Variants in TMEM131 observed in about 807,000 individuals in gnomAD.
The protein encoded by TMEM131 is transmembrane protein 131.
TMEM131 carries 66 observed loss-of-function variants against 211.6 expected under a neutral mutation model. The ratio of observed to expected loss-of-function variants is 0.31; its 90% CI spans 0.26 to 0.38. TMEM131 has a LOEUF of 0.38. TMEM131 is among the 10% of genes least tolerant of loss of function. TMEM131 has a pLI of 1.00. For missense variants in TMEM131, 2,036 were observed against 2,299.3 expected (o/e 0.89, Z 2.34); for synonymous variants, 844 against 841.3 (o/e 1.00, Z -0.06).
At chr2:97,922,535 A>G (rs144229508) in intron 2 of TMEM131, among the ~76,000 whole-genome samples, 23 of 152,344 alleles carry the variant, frequency 1.5e-4, no homozygotes, top group African/African-American at 5.5e-4. Context: ...ACTATTCAGC[A>G]ATGAAACTGA....
intron 1 of TMEM131, among the ~76,000 whole-genome samples, chr2:97,942,180 A>G (rs1433767066): frequency 5.3e-5 from 8 of 152,064 alleles, no homozygotes; most frequent in Non-Finnish European, 8.8e-5. Flanking sequence ...TTGTAGGGAC[A>G]TGGATGAAGC....
chr2:97,825,673 CAGAG>C (rs1027255681), intron 11 of TMEM131, among the ~76,000 whole-genome samples: 1 of 152,170 alleles, frequency 6.6e-6, no homozygotes, highest in African/African-American at 2.4e-5. Context: ...CTTTATACGT[CAGAG>C]AGAGAGCAGG....
intron 11 of TMEM131, among the ~76,000 whole-genome samples, chr2:97,825,266 C>T (rs1200522955): frequency 6.6e-6 from 1 of 152,202 alleles, no homozygotes; most frequent in Non-Finnish European, 1.5e-5. Flanking sequence ...CTCATGCCAG[C>T]AGGCTACTCT....
Position 97,995,768 on chromosome 2 carries a change from G to C in TMEM131, c.-106C>G, listed in dbSNP as rs1016724979. ...CCGGGCTCTGGCCGCGGCGCCGGGA[G>C]CGACAACGGTTGCGAGCCCGGGGCT... On this transcript the variant is annotated 5_prime_UTR_variant, in exon 1 of 41. Coordinates refer to ENST00000186436, the MANE Select transcript of TMEM131 (RefSeq NM_015348.2). The C allele has an allele frequency of 3.4e-5, 30 of 885,970 alleles. No homozygotes were observed. Among genetic ancestry groups the C allele is most frequent in the Non-Finnish European group, 3.8e-5 (27 of 704,866 alleles). The allele number at this position is 885,970 out of a possible 1,614,324, so 54.9% of individuals were successfully genotyped here.
At chr2:97,858,082 CTAAAG>C (rs1361969770) in intron 5 of TMEM131, among the ~76,000 whole-genome samples, 3 of 152,102 alleles carry the variant, frequency 2.0e-5, no homozygotes, top group Non-Finnish European at 2.9e-5. Flanking sequence ...TAATTTTACT[CTAAAG>C]TAAACAACAT....
intron 31 of TMEM131, among the ~76,000 whole-genome samples, chr2:97,791,788 G>A (rs971368966): frequency 1.3e-5 from 2 of 152,186 alleles, no homozygotes; most frequent in Admixed American, 6.5e-5. Flanking sequence ...ACAGTAAGCA[G>A]AACTCTAAAG....
chr2:97,794,224 C>T (rs868385367), intron 29 of TMEM131, among the ~76,000 whole-genome samples: 13 of 151,764 alleles, frequency 8.6e-5, no homozygotes, highest in East Asian at 2.0e-4. Flanking sequence ...TTAGTAGAGA[C>T]GGGGTTTCAC....
chr2:97,757,091 T>A lies in TMEM131; in HGVS notation c.*8A>T. On this transcript the variant is annotated 3_prime_UTR_variant, in exon 41 of 41. Coordinates refer to ENST00000186436, the MANE Select transcript of TMEM131 (RefSeq NM_015348.2). ...GGGCCCACTATGTTTGTTTGTTTTTTGCTTAATTTAATTCTCGTGAGGAAA... is the reference window on the plus strand; with the variant it reads ...GGGCCCACTATGTTTGTTTGTTTTTAGCTTAATTTAATTCTCGTGAGGAAA... 1 of 1,574,562 alleles carries A rather than the reference T, an allele frequency of 6.4e-7. No homozygotes were observed. Among genetic ancestry groups the A allele is most frequent in the Admixed American group, 1.8e-5 (1 of 55,338 alleles).
At position 97,899,901 on chromosome 2, in the gene TMEM131, C is replaced by T. The variant is rs904712392; in HGVS notation, c.290+8757G>A. Among the ~76,000 whole-genome samples the T allele has an allele frequency of 2.6e-5, 4 of 152,206 alleles. No individual in the cohort carries two copies. In the East Asian group the frequency reaches 7.7e-4, roughly 29 times the overall value. On this transcript the variant is annotated intron_variant, in intron 3 of 40. Transcript: ENST00000186436. ...GTCTTTTATGGTAAGAACACAAAAT[C>T]TACTCTCTCAGCAATTTTCAAGTAC...
At chr2:97,962,854 G>A (rs554593522) in intron 1 of TMEM131, among the ~76,000 whole-genome samples, 3 of 152,270 alleles carry the variant, frequency 2.0e-5, no homozygotes, top group South Asian at 2.1e-4. Flanking sequence ...CATGATAAAT[G>A]TAACGTGAAT....
chr2:97,943,037 A>AAAAGGAAAGAAAGAAAG lies in TMEM131; in HGVS notation c.188-15551_188-15550insCTTTCTTTCTTTCCTTT, dbSNP rs1677845812. Among the ~76,000 whole-genome samples the AAAAGGAAAGAAAGAAAG allele has an allele frequency of 6.1e-5, 4 of 66,058 alleles. No homozygotes were observed. In the East Asian group the frequency reaches 1.5e-3, roughly 24 times the overall value. 43.3% of individuals were successfully genotyped at this position (66,058 alleles called of 152,430 possible). A position where few individuals can be genotyped will look rare whatever the true frequency, so the allele number is the denominator to read the frequency against. ...AAAAGAAAAGAAAAGAAAAGAAAAGAAAAGAAAGAAAGAAAGAAAGAAAGA... is the reference window on the plus strand; with the variant it reads ...AAAAGAAAAGAAAAGAAAAGAAAAGAAAAGGAAAGAAAGAAAGAAAGAAAGAAAGAAAGAAAGAAAGA... On this transcript the variant is annotated intron_variant, in intron 1 of 40. Transcript: ENST00000186436.
At chr2:97,865,674 T>A (rs1476664665) in intron 4 of TMEM131, among the ~76,000 whole-genome samples, 3 of 152,254 alleles carry the variant, frequency 2.0e-5, no homozygotes, top group Admixed American at 6.5e-5. Context: ...GCGTCTATAT[T>A]CAGCAGAAGT....
rs1680541598 is a variant in TMEM131 at position 97,792,452 on chromosome 2, G to T, written c.4078C>A (p.His1360Asn). ...ACTTCTAGGGCTGGGGAGTCATGGT[G>T]GTCGAAGTCTTTGTCCATGGCTTCT... is the stretch of plus-strand genomic sequence containing the variant. ...LIEAMDKDFD[H>N]HDSPALEVFT... The change falls in exon 31 of 41, where the codon CAC becomes AAC. Residue 1360 changes from histidine to asparagine, a missense_variant. Around this residue, in one of 3 missense-constraint regions of TMEM131, gnomAD observed 1,623 missense variants for 1,805.9 expected, o/e 0.90. Coordinates refer to ENST00000186436, the MANE Select transcript of TMEM131 (RefSeq NM_015348.2). 6.2e-7 allele frequency: 1 copy of T among 1,613,298 alleles called. No homozygotes were observed. The highest frequency in any genetic ancestry group is 1.3e-5 in the African/African-American group (1 of 74,932).
intron 22 of TMEM131, 55 bp downstream of exon 22, chr2:97,805,033 G>A (rs998576773): frequency 2.5e-6 from 3 of 1,198,904 alleles, no homozygotes; most frequent in Non-Finnish European, 3.5e-6. Flanking sequence ...AAAGCATTAT[G>A]TTTCAATAGT....
chr2:97,793,561 G>C lies in TMEM131; in HGVS notation c.3387-8C>G. ...ACCAAAAGAAACAGTGCACTGCAGG[G>C]GTAAAAAAAATTGGAAAATCAGGAT... On this transcript the variant is annotated splice_region_variant and splice_polypyrimidine_tract_variant and intron_variant, in intron 29 of 40. Coordinates refer to ENST00000186436, the MANE Select transcript of TMEM131 (RefSeq NM_015348.2). 1 of 1,584,766 alleles carries C rather than the reference G, an allele frequency of 6.3e-7. No individual in the cohort carries two copies. Among genetic ancestry groups the C allele is most frequent in the Admixed American group, 1.9e-5 (1 of 53,674 alleles).
chr2:97,787,956 T>C, intron 31 of TMEM131, among the ~76,000 whole-genome samples: 1 of 152,192 alleles, frequency 6.6e-6, no homozygotes, highest in East Asian at 1.9e-4. Context: ...AAATTCAATC[T>C]GTTGGATTTC....
At chr2:97,776,289 C>T (rs1008171165) in intron 31 of TMEM131, among the ~76,000 whole-genome samples, 4 of 152,046 alleles carry the variant, frequency 2.6e-5, no homozygotes, top group Non-Finnish European at 4.4e-5. Flanking sequence ...CTCCTGACCT[C>T]GTGATCTGCC....
intron 5 of TMEM131, among the ~76,000 whole-genome samples, chr2:97,858,044 T>C (rs1673919040): frequency 6.6e-6 from 1 of 152,220 alleles, no homozygotes; most frequent in African/African-American, 2.4e-5. Flanking sequence ...GTTTATAAAA[T>C]ACCTTTAAAT....
At chr2:97,945,441 A>C (rs181279146) in intron 1 of TMEM131, among the ~76,000 whole-genome samples, 4 of 152,296 alleles carry the variant, frequency 2.6e-5, no homozygotes, top group Admixed American at 2.6e-4. Flanking sequence ...TAAAAGGTGA[A>C]GTATGATATG....
Sources: gnomAD v4.1 joint callset for allele counts (sites outside exome capture counted in the v4.1 genomes callset) on GRCh38, gnomAD v4.1.1 for gene constraint, gnomAD v4.1.1 regional missense constraint, MANE v1.5 for transcripts, NCBI Gene and HGNC (gene_info 2026-07-23, HGNC 2026-07-21) for gene names.